Variants in EDARADD observed in about 807,000 individuals in gnomAD.
EDARADD encodes EDAR associated via death domain.
In EDARADD, 20 loss-of-function variants were observed where a neutral mutation model predicts 25.6. That is an observed-to-expected ratio of 0.78 (90% CI 0.55 to 1.14). The LOEUF (loss-of-function observed/expected upper bound fraction) is 1.14. Among genes scored for constraint, EDARADD ranks in the 50% most tolerant of loss-of-function variants. The probability of loss-of-function intolerance (pLI) is 0.00; values close to 1 mark genes in which losing one functional copy is unlikely to be tolerated. For synonymous variants in EDARADD, 86 were observed against 94.4 expected (o/e 0.91, Z 0.52); for missense variants, 225 against 270.1 (o/e 0.83, Z 1.17).
intron 3 of EDARADD, among the ~76,000 whole-genome samples, chr1:236,361,635 T>TTTTATATATATATATATATA (rs368920343): frequency 1.5e-5 from 2 of 134,166 alleles, no homozygotes; most frequent in Non-Finnish European, 3.1e-5. Flanking sequence ...CAGCCAAATT[T>TTTTATATATATATATATATA]TATATATATA....
chr1:236,471,903 GT>G (rs1558136497), intron 5 of EDARADD, among the ~76,000 whole-genome samples: 1 of 152,076 alleles, frequency 6.6e-6, no homozygotes, highest in Non-Finnish European at 1.5e-5. Context: ...TAATCATGAC[GT>G]TTGTGAATTG....
At chr1:236,427,880 T>C (rs1230514116) in intron 4 of EDARADD, among the ~76,000 whole-genome samples, 1 of 151,882 alleles carries the variant, frequency 6.6e-6, no homozygotes, top group Non-Finnish European at 1.5e-5. Context: ...TCTATTATCT[T>C]TTTCCAAAAA....
At chr1:236,436,158 T>G (rs1395521478) in intron 4 of EDARADD, among the ~76,000 whole-genome samples, 1 of 151,728 alleles carries the variant, frequency 6.6e-6, no homozygotes, top group African/African-American at 2.4e-5. Context: ...AAAAATGTCT[T>G]TCTTTCCTTT....
upstream of EDARADD, among the ~76,000 whole-genome samples, chr1:236,392,979 C>G (rs979602896): frequency 1.3e-5 from 2 of 152,126 alleles, no homozygotes; most frequent in African/African-American, 2.4e-5. Context: ...GAGACTGGGT[C>G]TCAAAATGTT....
At chr1:236,366,741 C>CTTTTTTTTTTTTT (rs1553262434) in intron 3 of EDARADD, among the ~76,000 whole-genome samples, 3 of 144,284 alleles carry the variant, frequency 2.1e-5, no homozygotes, top group Non-Finnish European at 3.0e-5. Flanking sequence ...TCATCTCTCT[C>CTTTTTTTTTTTTT]TTTTTTTTGT....
At position 236,414,282 on chromosome 1, in the gene EDARADD, A is replaced by G. The variant is rs1657576976; in HGVS notation, c.143A>G (p.Asp48Gly). 1.9e-6 allele frequency: 3 copies of G among 1,610,736 alleles called. No individual in the cohort carries two copies. The African/African-American group carries it at 4.0e-5, about 22-fold the overall frequency. Residue 48 changes from aspartate to glycine, a missense_variant, in exon 3 of 6, where the codon GAT becomes GGT. Coordinates refer to ENST00000334232, the MANE Select transcript of EDARADD (RefSeq NM_145861.4). The part of the protein sequence containing the change: ...FNMSDKYPIQ[D>G]TELPKAEECD... ...CAGTCAGACAAATATCCCATTCAAG[A>G]TACGGAACTCCCTAAAGGTATGTAC...
In EDARADD at chr1:236,388,679, ATTG is replaced by A. The variant is rs1667385507; in HGVS notation, c.-5-20532_-5-20530del. 2.6e-5 allele frequency among the ~76,000 whole-genome samples: 4 copies of A among 152,270 alleles called. No homozygotes were observed. In the South Asian group the frequency reaches 8.3e-4, roughly 32 times the overall value. The stretch of plus-strand genomic sequence containing the variant: ...ACCTTCCCCCCGCACCCAGTTGGAT[ATTG>A]TTGTCATATAAGAAAGCTCTTGGTG... On this transcript the variant is annotated intron_variant, in intron 3 of 7. Transcript: ENST00000439430.
intron 3 of EDARADD, among the ~76,000 whole-genome samples, chr1:236,378,401 A>G (rs189812583): frequency 2.3e-4 from 35 of 152,272 alleles, no homozygotes; most frequent in Admixed American, 2.0e-3. Flanking sequence ...CAACTCAGCA[A>G]TTCTTCAGTT....
intron 3 of EDARADD, among the ~76,000 whole-genome samples, chr1:236,364,058 A>G (rs1375923342): frequency 6.6e-6 from 1 of 152,184 alleles, no homozygotes; most frequent in Non-Finnish European, 1.5e-5. Flanking sequence ...AGGCTGAGGC[A>G]GGAGAATCAC....
chr1:236,398,351 C>A lies in EDARADD; in HGVS notation c.61+3846C>A, dbSNP rs1414896585. On this transcript the variant is annotated intron_variant, in intron 1 of 5. Coordinates refer to ENST00000334232, the MANE Select transcript of EDARADD (RefSeq NM_145861.4). This position sits in a 1 kb window ranked among gnomAD's most constrained non-coding sequence, Gnocchi z 4.1. ...ACCTCAAGTGATCCACCCACCTCGGCCTCCCAGAGTGCTGGGATTACTGGT... is the reference window on the plus strand; with the variant it reads ...ACCTCAAGTGATCCACCCACCTCGGACTCCCAGAGTGCTGGGATTACTGGT... 6.6e-6 allele frequency among the ~76,000 whole-genome samples: 1 copy of A among 152,304 alleles called. No individual in the cohort carries two copies. The highest frequency in any genetic ancestry group is 1.9e-4 in the East Asian group (1 of 5,182).
chr1:236,368,440 C>G (rs200986739), intron 3 of EDARADD, among the ~76,000 whole-genome samples: 3 of 124,172 alleles, frequency 2.4e-5, no homozygotes, highest in Admixed American at 8.8e-5. Flanking sequence ...CCAGTCTTTT[C>G]TTTTTTTTTT....
chr1:236,464,808 T>C (rs1347226184), intron 4 of EDARADD, among the ~76,000 whole-genome samples: 1 of 152,166 alleles, frequency 6.6e-6, no homozygotes, highest in Non-Finnish European at 1.5e-5. Context: ...TGTCCTTTCG[T>C]TCCTTCCTCT....
intron 1 of EDARADD, among the ~76,000 whole-genome samples, chr1:236,348,489 G>C (rs947347275): frequency 6.6e-6 from 1 of 152,222 alleles, no homozygotes; most frequent in African/African-American, 2.4e-5. Flanking sequence ...CCCTCCCTGG[G>C]TCCTCCCACA....
intron 3 of EDARADD, among the ~76,000 whole-genome samples, chr1:236,372,386 G>T (rs1215806166): frequency 6.6e-6 from 1 of 152,094 alleles, no homozygotes; most frequent in Non-Finnish European, 1.5e-5. Flanking sequence ...TGATTTTTGG[G>T]TGTTAAATCA....
intron 4 of EDARADD, among the ~76,000 whole-genome samples, chr1:236,461,282 T>A (rs1659032319): frequency 6.6e-6 from 1 of 152,268 alleles, no homozygotes; most frequent in Admixed American, 6.5e-5. Flanking sequence ...GTTTCATAGT[T>A]TGAGGTCTTA....
At position 236,484,387 on chromosome 1, in the gene EDARADD, A is replaced by G. The variant is rs878897423; in HGVS notation, c.*1738A>G. 1.2e-4 allele frequency: 190 copies of G among 1,604,442 alleles called. No individual in the cohort carries two copies. In the South Asian group the frequency reaches 1.6e-3, roughly 14 times the overall value. The stretch of plus-strand genomic sequence containing the variant: ...TGATCTGAGCGCTTGGCCAAGTACA[A>G]CCAGCTCCTCAGAATTGAAGAGGAG... On this transcript the variant is annotated 3_prime_UTR_variant, in exon 6 of 6. Coordinates refer to ENST00000334232, the MANE Select transcript of EDARADD (RefSeq NM_145861.4). The surrounding 1 kb of genome is among the most constrained non-coding windows in gnomAD (Gnocchi z 4.1).
intron 2 of EDARADD, among the ~76,000 whole-genome samples, chr1:236,411,423 G>A (rs1447251485): frequency 6.6e-6 from 1 of 152,102 alleles, no homozygotes; most frequent in Non-Finnish European, 1.5e-5. Context: ...TCAGCTTATA[G>A]AGGCATCACT....
intron 1 of EDARADD, among the ~76,000 whole-genome samples, chr1:236,405,693 C>A (rs73123236): frequency 0.029 from 4,336 of 151,960 alleles, 142 homozygotes; most frequent in African/African-American, 0.085. Flanking sequence ...CCTTTCCCAG[C>A]GATCTACTGC....
intron 1 of EDARADD, among the ~76,000 whole-genome samples, chr1:236,399,116 A>G (rs929321660): frequency 6.6e-5 from 10 of 152,248 alleles, no homozygotes; most frequent in African/African-American, 2.4e-4. Flanking sequence ...AGATGTTTGT[A>G]TATCCACGTG....
Sources: allele counts gnomAD v4.1 joint callset (sites outside exome capture counted in the v4.1 genomes callset), GRCh38; gene constraint gnomAD v4.1.1; non-coding constraint Gnocchi (gnomAD v3.1); transcripts MANE v1.5; gene names NCBI Gene and HGNC (gene_info 2026-07-23, HGNC 2026-07-21).